Variants in NUP205 observed in about 807,000 individuals in gnomAD.
NUP205 encodes the protein nucleoporin 205, also known as nuclear pore complex protein Nup205.
A neutral mutation model predicts 253.8 loss-of-function variants in NUP205; 76 were observed. The ratio of observed to expected loss-of-function variants is 0.30; its 90% CI spans 0.25 to 0.36. The LOEUF (loss-of-function observed/expected upper bound fraction) is 0.36. NUP205 is among the 10% of genes least tolerant of loss of function. The probability of loss-of-function intolerance (pLI) is 1.00; values close to 1 mark genes in which losing one functional copy is unlikely to be tolerated. For missense variants in NUP205, 2,162 were observed against 2,425.5 expected (o/e 0.89, Z 2.28); for synonymous variants, 832 against 850.1 (o/e 0.98, Z 0.37).
intron 34 of NUP205, 45 bp downstream of exon 34, chr7:135,628,156 C>A: frequency 1.3e-6 from 2 of 1,568,854 alleles, no homozygotes; most frequent in Middle Eastern, 1.7e-4. Flanking sequence ...GCAAAATCCT[C>A]ATTTTACAAG....
Position 135,622,807 on chromosome 7 carries a change from C to A in NUP205, c.4361C>A (p.Ala1454Asp), listed in dbSNP as rs777831893. 1.2e-6 allele frequency: 2 copies of A among 1,613,750 alleles called. No individual in the cohort carries two copies. The highest frequency in any genetic ancestry group is 1.7e-5 in the Admixed American group (1 of 59,970). Residue 1454 changes from alanine to aspartate, a missense_variant, in exon 31 of 43, where the codon GCC (alanine) becomes GAC (aspartate). Physicochemically the swap from Ala to Asp is moderately radical, Grantham distance 126. Around this residue, in one of 5 missense-constraint regions of NUP205, gnomAD observed 1,144 missense variants for 1,280.9 expected, o/e 0.89. Coordinates refer to ENST00000285968, the MANE Select transcript of NUP205 (RefSeq NM_015135.3). Reference sequence around the variant, plus strand: ...AAAACCATGTGGGAAAGGCTGACAGCCCCTGAAGATGTATTTAGCAAATTA... The same window carrying A: ...AAAACCATGTGGGAAAGGCTGACAGACCCTGAAGATGTATTTAGCAAATTA... The part of the protein sequence containing the change: ...AKKTMWERLT[A>D]PEDVFSKLQR...
In NUP205 at chr7:135,597,350, A is replaced by G. The variant is rs368724220; in HGVS notation, c.2014-18A>G. On this transcript the variant is annotated intron_variant, in intron 13 of 42. Coordinates refer to ENST00000285968, the MANE Select transcript of NUP205 (RefSeq NM_015135.3). ...TGAATGAGGAATGCTCCTGACATCT[A>G]CTTCTTACTATTTTAAGATACTGCA... 97 of 1,593,122 alleles carry G rather than the reference A, an allele frequency of 6.1e-5. No homozygotes were observed. The highest frequency in any genetic ancestry group is 2.3e-5 in the Non-Finnish European group (27 of 1,161,306).
At chr7:135,572,121 A>G (rs949452405) in intron 2 of NUP205, among the ~76,000 whole-genome samples, 1 of 152,148 alleles carries the variant, frequency 6.6e-6, no homozygotes, top group Non-Finnish European at 1.5e-5. Context: ...GGTCTCAAAA[A>G]GTGTTGGGAT....
In NUP205 at chr7:135,643,362, C is replaced by T. The variant is rs10260691; in HGVS notation, c.5559+4C>T. The T allele has an allele frequency of 0.34, 552,407 of 1,610,274 alleles. 96,837 individuals carry two copies. The highest frequency in any genetic ancestry group is 0.49 in the Middle Eastern group (2,936 of 6,044). On this transcript the variant is annotated splice_donor_region_variant and intron_variant, in intron 39 of 42. Coordinates refer to ENST00000285968, the MANE Select transcript of NUP205 (RefSeq NM_015135.3). Reference sequence around the variant, plus strand: ...TCCCCCAGATGAGATAAAAGAGGTACGAATCTTATAATGAGCTGGGGGGAC... The same window carrying T: ...TCCCCCAGATGAGATAAAAGAGGTATGAATCTTATAATGAGCTGGGGGGAC...
In NUP205 at chr7:135,619,550, A is replaced by T. The variant is rs1395735404; in HGVS notation, c.4091A>T (p.Glu1364Val). The part of the protein sequence containing the change: ...QKETSVLGPA[E>V]AHYAFMLDSC... ...GAAACATCAGTCTTGGGACCAGCAG[A>T]GGCCCATTACGCTTTTATGCTTGAT... is the stretch of plus-strand genomic sequence containing the variant. Residue 1364 changes from glutamate to valine, a missense_variant, in exon 29 of 43, where the codon GAG (glutamate) becomes GTG (valine). By Grantham distance (121) the Glu-to-Val change is moderately radical. Around this residue, in one of 5 missense-constraint regions of NUP205, gnomAD observed 1,144 missense variants for 1,280.9 expected, o/e 0.89. Coordinates refer to ENST00000285968, the MANE Select transcript of NUP205 (RefSeq NM_015135.3). 6.2e-7 allele frequency: 1 copy of T among 1,614,164 alleles called. No individual in the cohort carries two copies. The highest frequency in any genetic ancestry group is 1.7e-5 in the Admixed American group (1 of 60,026).
intron 1 of NUP205, among the ~76,000 whole-genome samples, chr7:135,567,425 C>CAAAA (rs760535798): frequency 6.2e-5 from 4 of 65,016 alleles, no homozygotes; most frequent in Admixed American, 2.0e-4. Flanking sequence ...CTGTCTATAC[C>CAAAA]AAAAAAAAAA....
At chr7:135,592,721 T>A (rs1806660823) in intron 11 of NUP205, among the ~76,000 whole-genome samples, 1 of 152,146 alleles carries the variant, frequency 6.6e-6, no homozygotes, top group African/African-American at 2.4e-5. Flanking sequence ...ACCCTGTCTT[T>A]ACCAAAAAGA....
intron 36 of NUP205, 41 bp from the exon 37 acceptor site, chr7:135,637,890 T>TA: frequency 6.4e-7 from 1 of 1,569,026 alleles, no homozygotes; most frequent in Non-Finnish European, 8.6e-7. Context: ...GAGAGGTTAC[T>TA]AATTTTAAAT....
chr7:135,616,063 C>G lies in NUP205; in HGVS notation c.3458C>G (p.Ser1153Ter), dbSNP rs1338386582. ...GATGACATGCCAGTGAAACCATACT[C>G]AGGTGAGTATTAGTATTTGTTTTAT... Reference protein sequence around the residue: ...LLDDMPVKPYSDGEGGIEDEN... With the variant: ...LLDDMPVKPY The change falls in exon 24 of 43, where the codon TCA (serine) becomes TGA (stop). Residue 1153 changes from serine to a stop codon, truncating the protein, a stop_gained and splice_region_variant. Transcript: ENST00000285968. LOFTEE classifies it high-confidence loss of function. The G allele has an allele frequency of 6.2e-7, 1 of 1,612,858 alleles. No individual in the cohort carries two copies. The highest frequency in any genetic ancestry group is 8.5e-7 in the Non-Finnish European group (1 of 1,179,328).
chr7:135,558,263 C>T (rs1805486867), intron 1 of NUP205: 2 of 455,064 alleles, frequency 4.4e-6, no homozygotes, highest in Admixed American at 3.4e-5. Flanking sequence ...CCCTCACCCC[C>T]AAGTTTCACT....
In NUP205 at chr7:135,637,948, A is replaced by G. The variant is rs757521451; in HGVS notation, c.5154A>G (p.Leu1718=). ...CTTGTTAGCGCCAGTGCTTAGGACT[A>G]CTAAGTCGCTTTGGTGGCTCTGACA... ...IGRFQRQCLG[L]LSRFGGSDRL... The change falls in exon 37 of 43, where the codon CTA becomes CTG. Residue 1718 remains leucine, a synonymous_variant. Coordinates refer to ENST00000285968, the MANE Select transcript of NUP205 (RefSeq NM_015135.3). 64 of 1,613,980 alleles carry G rather than the reference A, an allele frequency of 4.0e-5. No individual in the cohort carries two copies. The East Asian group carries it at 1.3e-3, about 33-fold the overall frequency.
rs115837866 is a variant in NUP205 at position 135,632,366 on chromosome 7, C to T, written c.5059+1896C>T. Among the ~76,000 whole-genome samples, 1,183 of 152,274 alleles carry T rather than the reference C, an allele frequency of 7.8e-3. 18 individuals are homozygous for T. The highest frequency in any genetic ancestry group is 0.027 in the African/African-American group (1,118 of 41,550). On this transcript the variant is annotated intron_variant, in intron 35 of 42. Transcript: ENST00000285968. ...CTGAGGCACAGGGAGGTTAACTTGTCCAAAGTCACACAGATAACACTGCAT... is the reference window on the plus strand; with the variant it reads ...CTGAGGCACAGGGAGGTTAACTTGTTCAAAGTCACACAGATAACACTGCAT...
intron 38 of NUP205, among the ~76,000 whole-genome samples, chr7:135,641,587 G>T (rs1794915758): frequency 6.6e-6 from 1 of 151,908 alleles, no homozygotes; most frequent in African/African-American, 2.4e-5. Flanking sequence ...TGGGCAATAT[G>T]GCAAAACCTC....
chr7:135,591,426 A>G, intron 10 of NUP205, 24 bp from the exon 11 acceptor site: 2 of 1,609,646 alleles, frequency 1.2e-6, no homozygotes, highest in South Asian at 1.1e-5. Flanking sequence ...CATTATATAA[A>G]CCATTTGTTT....
intron 35 of NUP205, among the ~76,000 whole-genome samples, chr7:135,631,621 A>G (rs756315903): frequency 1.9e-4 from 29 of 152,022 alleles, no homozygotes; most frequent in Non-Finnish European, 2.4e-4. Context: ...ATCCTCAGCT[A>G]CTTAGTTTTA....
chr7:135,599,142 A>C (rs887445265), intron 15 of NUP205, among the ~76,000 whole-genome samples: 25 of 152,176 alleles, frequency 1.6e-4, no homozygotes, highest in African/African-American at 5.8e-4. Flanking sequence ...TGTAGACTTA[A>C]TTAACAATTG....
Position 135,628,096 on chromosome 7 carries a change from G to T in NUP205, c.4917G>T (p.Leu1639Phe), listed in dbSNP as rs777633369. ...VILTSSMAQH[L>F]QAAGQVLQFL... ...TCACATCTAGTATGGCCCAGCACTT[G>T]CAGGCAGCAGGGCAGGTAAGGTGAA... Residue 1639 changes from leucine (L) to phenylalanine (F), a missense_variant, in exon 34 of 43, where the codon TTG becomes TTT. Physicochemically the swap from Leu to Phe is conservative, Grantham distance 22 (BLOSUM62 0). Around this residue, in one of 5 missense-constraint regions of NUP205, gnomAD observed 1,144 missense variants for 1,280.9 expected, o/e 0.89. Coordinates refer to ENST00000285968, the MANE Select transcript of NUP205 (RefSeq NM_015135.3). 2.5e-6 allele frequency: 4 copies of T among 1,608,702 alleles called. No individual in the cohort carries two copies. The South Asian group carries it at 4.4e-5, about 18-fold the overall frequency.
intron 13 of NUP205, among the ~76,000 whole-genome samples, chr7:135,595,796 GATAAA>G (rs1302482354): frequency 3.3e-5 from 5 of 152,110 alleles, no homozygotes; most frequent in Admixed American, 1.3e-4. Flanking sequence ...TTTTATATGT[GATAAA>G]ATGAAGGAAA....
intron 36 of NUP205, 91 bp downstream of exon 36, chr7:135,635,748 C>T (rs911256415): frequency 3.0e-6 from 2 of 661,292 alleles, no homozygotes; most frequent in Non-Finnish European, 5.2e-6. Context: ...TTTGGGAAAC[C>T]CCTTTCAACT....
Sources: allele counts gnomAD v4.1 joint callset (sites outside exome capture counted in the v4.1 genomes callset), GRCh38; gene constraint gnomAD v4.1.1; regional missense constraint gnomAD v4.1.1; transcripts MANE v1.5; gene names NCBI Gene and HGNC (gene_info 2026-07-23, HGNC 2026-07-21).